The following DPY19L4 variants were observed in gnomAD, a reference collection of about 807,000 sequenced individuals.
DPY19L4 encodes the protein probable C-mannosyltransferase DPY19L4.
In DPY19L4, 97 loss-of-function variants were observed where a neutral mutation model predicts 102.8. The ratio of observed to expected loss-of-function variants is 0.94; its 90% CI spans 0.80 to 1.12. DPY19L4 has a LOEUF of 1.12. Among genes scored for constraint, DPY19L4 ranks in the 50% most tolerant of loss-of-function variants. The probability of loss-of-function intolerance (pLI) is 0.00; values close to 1 mark genes in which losing one functional copy is unlikely to be tolerated. For synonymous variants in DPY19L4, 252 were observed against 283.1 expected (o/e 0.89, Z 1.10); for missense variants, 815 against 850.4 (o/e 0.96, Z 0.52).
intron 1 of DPY19L4, among the ~76,000 whole-genome samples, chr8:94,721,326 A>G (rs1810453215): frequency 2.0e-5 from 3 of 152,228 alleles, no homozygotes; most frequent in Admixed American, 2.0e-4. Flanking sequence ...ATTAAGCATA[A>G]GAAGTGTTTA....
At chr8:94,776,001 T>A (rs1181968721) in intron 13 of DPY19L4, among the ~76,000 whole-genome samples, 4 of 151,636 alleles carry the variant, frequency 2.6e-5, no homozygotes, top group African/African-American at 9.7e-5. Flanking sequence ...TTAATCTTTT[T>A]AATTTAAGAG....
At position 94,727,225 on chromosome 8, in the gene DPY19L4, G is replaced by A. The variant is rs578128005; in HGVS notation, c.127+784G>A. 2.0e-5 allele frequency among the ~76,000 whole-genome samples: 3 copies of A among 150,692 alleles called. No homozygotes were observed. In the East Asian group the frequency reaches 5.8e-4, roughly 29 times the overall value. On this transcript the variant is annotated intron_variant, in intron 2 of 18. Transcript: ENST00000414645. ...TGAAGTTGTATTTACAGCTATGATTGATTGATTGATTGATTGATTGATTTT... is the reference window on the plus strand; with the variant it reads ...TGAAGTTGTATTTACAGCTATGATTAATTGATTGATTGATTGATTGATTTT...
Position 94,766,792 on chromosome 8 carries a change from C to CT in DPY19L4, c.1175+110dup, listed in dbSNP as rs529698565. The CT allele has an allele frequency of 5.4e-5, 54 of 999,342 alleles. No individual in the cohort carries two copies. In the East Asian group the frequency reaches 1.4e-3, roughly 26 times the overall value. 61.9% of individuals were successfully genotyped at this position (999,342 alleles called of 1,614,324 possible). A position where few individuals can be genotyped will look rare whatever the true frequency, so the allele number is the denominator to read the frequency against. On this transcript the variant is annotated intron_variant, in intron 11 of 18. Transcript: ENST00000414645. Reference sequence around the variant, plus strand: ...GTGGCTCACATCTGTAATCCCAGCACTTTAGGAGGCCGAGGTGGGTGGATT... The same window carrying CT: ...GTGGCTCACATCTGTAATCCCAGCACTTTTAGGAGGCCGAGGTGGGTGGATT...
intron 13 of DPY19L4, 23 bp from the exon 14 acceptor site, chr8:94,777,643 A>G: frequency 6.2e-7 from 1 of 1,607,618 alleles, no homozygotes; most frequent in Non-Finnish European, 8.5e-7. Flanking sequence ...TGTCTCATGT[A>G]TGACTCCATT....
At chr8:94,774,647 G>A (rs1813090358) in intron 13 of DPY19L4, among the ~76,000 whole-genome samples, 1 of 144,944 alleles carries the variant, frequency 6.9e-6, no homozygotes, top group African/African-American at 2.6e-5. Context: ...CTGTGATCTT[G>A]GCTCACCGCA....
chr8:94,756,224 T>C, intron 7 of DPY19L4, 65 bp downstream of exon 7: 3 of 1,567,608 alleles, frequency 1.9e-6, no homozygotes, highest in South Asian at 2.4e-5. Flanking sequence ...TGGCACATAA[T>C]AGCAAATAAA....
intron 13 of DPY19L4, among the ~76,000 whole-genome samples, chr8:94,773,891 C>T (rs1003284103): frequency 2.3e-5 from 3 of 132,336 alleles, no homozygotes; most frequent in Non-Finnish European, 3.4e-5. Context: ...AAAAAAAAGC[C>T]AGGCATGGTG....
In DPY19L4 at chr8:94,765,180, C is replaced by T; in HGVS notation, c.871-3C>T. On this transcript the variant is annotated splice_region_variant and splice_polypyrimidine_tract_variant and intron_variant, in intron 8 of 18. Transcript: ENST00000414645. ...CTCACTTATTTTATTTTTGTCACAA[C>T]AGGTTTATGAAGTTTATAAAATCTA... 6.9e-7 allele frequency: 1 copy of T among 1,456,850 alleles called. No homozygotes were observed. 90.2% of individuals were successfully genotyped at this position (1,456,850 alleles called of 1,614,324 possible).
At chr8:94,773,684 C>A (rs561148797) in intron 13 of DPY19L4, among the ~76,000 whole-genome samples, 2 of 151,910 alleles carry the variant, frequency 1.3e-5, no homozygotes, top group Non-Finnish European at 2.9e-5. Context: ...CCTGACTCAG[C>A]CTCCCAAAGT....
At chr8:94,776,431 A>C (rs140457196) in intron 13 of DPY19L4, among the ~76,000 whole-genome samples, 180 of 151,714 alleles carry the variant, frequency 1.2e-3, no homozygotes, top group African/African-American at 4.0e-3. Context: ...AGCCTCCCAA[A>C]GTCCTGAGAT....
intron 9 of DPY19L4, 96 bp from the exon 10 acceptor site, chr8:94,765,615 C>A: frequency 2.0e-6 from 2 of 981,922 alleles, no homozygotes; most frequent in Non-Finnish European, 1.6e-6. Context: ...GGATTACAGG[C>A]TTGAGCCACT....
In DPY19L4 at chr8:94,739,389, G is replaced by A. The variant is rs1174150627; in HGVS notation, c.344-24G>A. ...TACTGTGAAGCAGAATAAATAATCTGGAGAAAAATCTTTCTGTCTTTAGGT... is the reference window on the plus strand; with the variant it reads ...TACTGTGAAGCAGAATAAATAATCTAGAGAAAAATCTTTCTGTCTTTAGGT... On this transcript the variant is annotated intron_variant, in intron 4 of 18. Transcript: ENST00000414645. 3.3e-6 allele frequency: 5 copies of A among 1,530,602 alleles called. No individual in the cohort carries two copies. In the South Asian group the frequency reaches 5.2e-5, roughly 16 times the overall value. The allele number at this position is 1,530,602 out of a possible 1,614,324, so 94.8% of individuals were successfully genotyped here. A position where few individuals can be genotyped will look rare whatever the true frequency, so the allele number is the denominator to read the frequency against.
Position 94,721,056 on chromosome 8 carries a change from C to G in DPY19L4, c.16+1042C>G, listed in dbSNP as rs1047744658. Among the ~76,000 whole-genome samples, 3 of 152,286 alleles carry G rather than the reference C, an allele frequency of 2.0e-5. No homozygotes were observed. In the South Asian group the frequency reaches 6.2e-4, roughly 32 times the overall value. ...CCGCTTCCTGGATTCAAGCGATTCTCCTGCCTCAGCCTCCCTAGTAGCTGG... is the reference window on the plus strand; with the variant it reads ...CCGCTTCCTGGATTCAAGCGATTCTGCTGCCTCAGCCTCCCTAGTAGCTGG... On this transcript the variant is annotated intron_variant, in intron 1 of 18. Transcript: ENST00000414645.
chr8:94,786,228 ACAGTTCTCCTG>A (rs1586430722), intron 17 of DPY19L4, among the ~76,000 whole-genome samples: 1 of 150,656 alleles, frequency 6.6e-6, no homozygotes, highest in East Asian at 2.0e-4. Context: ...CCAGGTTCAA[ACAGTTCTCCTG>A]CCTCAACCTT....
intron 13 of DPY19L4, among the ~76,000 whole-genome samples, chr8:94,774,039 T>TA (rs79751438): frequency 0.11 from 10,797 of 102,698 alleles, 681 homozygotes; most frequent in Non-Finnish European, 0.13. Context: ...TGTCTTTAGT[T>TA]AAAAAAAAAA....
At chr8:94,725,222 A>G (rs182455271) in intron 1 of DPY19L4, among the ~76,000 whole-genome samples, 32 of 152,358 alleles carry the variant, frequency 2.1e-4, no homozygotes, top group Middle Eastern at 6.8e-3. Context: ...AGAGAAAGGA[A>G]GAAAACTGTC....
At chr8:94,787,804 G>A in intron 17 of DPY19L4, 90 bp from the exon 18 acceptor site, 1 of 565,650 alleles carries the variant, frequency 1.8e-6, no homozygotes, top group Non-Finnish European at 2.5e-6. Flanking sequence ...GATGCTTGAT[G>A]TATAGTTTCA....
chr8:94,786,736 T>G (rs551855519), intron 17 of DPY19L4, among the ~76,000 whole-genome samples: 1 of 151,936 alleles, frequency 6.6e-6, no homozygotes, highest in Non-Finnish European at 1.5e-5. Context: ...TTAGTAGAGA[T>G]GGGGTTTTGC....
intron 13 of DPY19L4, among the ~76,000 whole-genome samples, chr8:94,776,976 A>AG (rs1813214198): frequency 1.3e-5 from 2 of 151,944 alleles, no homozygotes; most frequent in African/African-American, 4.8e-5. Flanking sequence ...AAAAAAAAAA[A>AG]AAACCCTTGT....
Sources: allele counts gnomAD v4.1 joint callset (sites outside exome capture counted in the v4.1 genomes callset), GRCh38; gene constraint gnomAD v4.1.1; transcripts MANE v1.5; gene names NCBI Gene and HGNC (gene_info 2026-07-23, HGNC 2026-07-21).